The following LRRTM4 variants were observed in gnomAD, a reference collection of about 807,000 sequenced individuals.
The protein encoded by LRRTM4 is leucine rich repeat transmembrane neuronal 4.
Under a neutral mutation model 47.6 loss-of-function variants are expected in LRRTM4, and 25 were observed. The ratio of observed to expected loss-of-function variants is 0.53; its 90% confidence interval spans 0.38 to 0.73. LRRTM4 has a LOEUF of 0.73. Among genes scored for constraint, LRRTM4 ranks in the 30% least tolerant of loss-of-function variants. The probability of loss-of-function intolerance (pLI) is 0.00; values close to 1 mark genes in which losing one functional copy is unlikely to be tolerated. For synonymous variants in LRRTM4, 311 were observed against 269.5 expected (o/e 1.15, Z -1.51); for missense variants, 638 against 713.4 (o/e 0.89, Z 1.20).
At chr2:77,015,353 T>C (rs1166063338) in intron 3 of LRRTM4, among the ~76,000 whole-genome samples, 1 of 152,160 alleles carries the variant, frequency 6.6e-6, no homozygotes, top group African/African-American at 2.4e-5. Context: ...TATCTTTTTT[T>C]TGAGACAGAG....
chr2:76,782,325 T>G (rs978387133), intron 3 of LRRTM4, among the ~76,000 whole-genome samples: 2 of 152,204 alleles, frequency 1.3e-5, no homozygotes, highest in Admixed American at 6.5e-5. Flanking sequence ...CTACAGTACA[T>G]ATCAAGCAAT....
intron 3 of LRRTM4, among the ~76,000 whole-genome samples, chr2:77,070,506 A>G (rs1180934812): frequency 1.3e-5 from 2 of 152,196 alleles, no homozygotes; most frequent in Non-Finnish European, 2.9e-5. Flanking sequence ...AAATATTATT[A>G]TCACTAAAAA....
chr2:77,407,392 A>G (rs1674236935), intron 3 of LRRTM4, among the ~76,000 whole-genome samples: 1 of 151,688 alleles, frequency 6.6e-6, no homozygotes. Flanking sequence ...TTCCAGATTG[A>G]CAAATACTCT....
chr2:77,088,504 C>T (rs1396832240), intron 3 of LRRTM4, among the ~76,000 whole-genome samples: 6 of 152,142 alleles, frequency 3.9e-5, no homozygotes, highest in African/African-American at 7.2e-5. Flanking sequence ...GAACAAACCC[C>T]CTTTGACTGT....
At chr2:76,836,808 G>A (rs769012564) in intron 3 of LRRTM4, among the ~76,000 whole-genome samples, 1 of 152,044 alleles carries the variant, frequency 6.6e-6, no homozygotes, top group East Asian at 1.9e-4. Flanking sequence ...GCCTAAAAAG[G>A]CAAAGAGAAG....
intron 3 of LRRTM4, among the ~76,000 whole-genome samples, chr2:77,066,374 CA>C (rs1219428221): frequency 6.6e-6 from 1 of 152,044 alleles, no homozygotes; most frequent in Non-Finnish European, 1.5e-5. Context: ...ATTGTAAAAA[CA>C]AAAAGACTAA....
intron 3 of LRRTM4, among the ~76,000 whole-genome samples, chr2:77,511,789 T>C (rs538812445): frequency 6.6e-6 from 1 of 152,234 alleles, no homozygotes; most frequent in African/African-American, 2.4e-5. Context: ...TTGCTGTCAT[T>C]TCATTCCCCA....
At chr2:77,133,604 T>C (rs1159601741) in intron 3 of LRRTM4, among the ~76,000 whole-genome samples, 2 of 131,248 alleles carry the variant, frequency 1.5e-5, no homozygotes, top group East Asian at 4.7e-4. Context: ...GTTTTCAATA[T>C]CACAGGCTTA....
At position 77,377,228 on chromosome 2, in the gene LRRTM4, C is replaced by G. The variant is rs559367907; in HGVS notation, c.1551+141090G>C. 5.3e-5 allele frequency among the ~76,000 whole-genome samples: 8 copies of G among 151,928 alleles called. No individual in the cohort carries two copies. The South Asian group carries it at 1.5e-3, about 28-fold the overall frequency. ...TCATTTTTCCAAGAATCACTCATTT[C>G]TTTTCTTGAAGAATGGTATTAGAAA... On this transcript the variant is annotated intron_variant, in intron 3 of 3. Transcript: ENST00000409884.
At chr2:76,964,327 CCT>C (rs1234129001) in intron 3 of LRRTM4, among the ~76,000 whole-genome samples, 9 of 150,932 alleles carry the variant, frequency 6.0e-5, no homozygotes, top group African/African-American at 1.9e-4. Flanking sequence ...GTGTAACTAG[CCT>C]CTGTTTCATT....
chr2:77,169,044 A>G (rs1309057084), intron 3 of LRRTM4, among the ~76,000 whole-genome samples: 1 of 152,128 alleles, frequency 6.6e-6, no homozygotes, highest in Non-Finnish European at 1.5e-5. Context: ...ATGATAAAAA[A>G]CTCTGAAAAA....
At chr2:77,488,978 A>T (rs1678032380) in intron 3 of LRRTM4, among the ~76,000 whole-genome samples, 2 of 130,214 alleles carry the variant, frequency 1.5e-5, no homozygotes. Context: ...GTGCACATGT[A>T]CCCTAAAACT....
At chr2:77,371,973 A>G (rs184420211) in intron 3 of LRRTM4, among the ~76,000 whole-genome samples, 27 of 151,920 alleles carry the variant, frequency 1.8e-4, no homozygotes, top group African/African-American at 6.5e-4. Context: ...CCCATGAAAC[A>G]AGACACATGA....
intron 3 of LRRTM4, among the ~76,000 whole-genome samples, chr2:77,434,519 G>A (rs1190293127): frequency 6.6e-6 from 1 of 151,032 alleles, no homozygotes; most frequent in Non-Finnish European, 1.5e-5. Context: ...AGTCTTAAAA[G>A]AGCTGGTGGC....
intron 3 of LRRTM4, among the ~76,000 whole-genome samples, chr2:77,452,845 A>G (rs1351765237): frequency 1.3e-5 from 2 of 152,164 alleles, no homozygotes; most frequent in African/African-American, 4.8e-5. Context: ...AGTATACCAC[A>G]GGTCACTGGA....
chr2:77,282,187 T>C (rs903973133), intron 3 of LRRTM4, among the ~76,000 whole-genome samples: 1 of 151,882 alleles, frequency 6.6e-6, no homozygotes, highest in Non-Finnish European at 1.5e-5. Context: ...GGATACTTCA[T>C]TTTTTGGTGG....
intron 3 of LRRTM4, among the ~76,000 whole-genome samples, chr2:77,199,060 G>T (rs1000675543): frequency 2.0e-5 from 3 of 152,046 alleles, no homozygotes; most frequent in Non-Finnish European, 4.4e-5. Context: ...GCACTTTGGA[G>T]CCTTGATCAC....
At chr2:76,843,851 C>A (rs1013130019) in intron 3 of LRRTM4, among the ~76,000 whole-genome samples, 4 of 151,678 alleles carry the variant, frequency 2.6e-5, no homozygotes, top group African/African-American at 9.7e-5. Flanking sequence ...CAATACTAGG[C>A]CTTTTTGTCT....
intron 3 of LRRTM4, among the ~76,000 whole-genome samples, chr2:77,241,695 T>C (rs1675273051): frequency 6.6e-6 from 1 of 152,112 alleles, no homozygotes; most frequent in Non-Finnish European, 1.5e-5. Flanking sequence ...AGCAAATATA[T>C]AAATATTCGC....
Sources: gnomAD v4.1 joint callset for allele counts (sites outside exome capture counted in the v4.1 genomes callset) on GRCh38, gnomAD v4.1.1 for gene constraint, MANE v1.5 for transcripts, NCBI Gene and HGNC (gene_info 2026-07-23, HGNC 2026-07-21) for gene names.